AIMP2: variants seen among roughly 807,000 people sequenced by gnomAD.
The protein encoded by AIMP2 is aminoacyl tRNA synthase complex-interacting multifunctional protein 2.
In AIMP2, 20 loss-of-function variants were observed where a neutral mutation model predicts 23.4. The observed-to-expected ratio is 0.85, with a 90% CI of 0.60 to 1.24. AIMP2 has a LOEUF of 1.24. Ranked by LOEUF, AIMP2 falls within the 50% of genes most tolerant of loss-of-function variation. The probability of loss-of-function intolerance (pLI) is 0.00; values close to 1 mark genes in which losing one functional copy is unlikely to be tolerated. For missense variants in AIMP2, 515 were observed against 414.5 expected (o/e 1.24, Z -2.10); for synonymous variants, 210 against 170.4 (o/e 1.23, Z -1.81).
At chr7:6,018,124 A>G (rs902665044) in intron 3 of AIMP2, 79 bp downstream of exon 3, 12 of 1,099,174 alleles carry the variant, frequency 1.1e-5, no homozygotes, top group Non-Finnish European at 1.5e-5. Flanking sequence ...GAGTCCATTT[A>G]CATGTGGATT....
chr7:6,009,358 T>C lies in AIMP2; in HGVS notation c.-6T>C. ...ACGCGCTACCCCCTTTTGCTTTGGT[T>C]CTGCCATGCCGATGTACCAGGTAAA... On this transcript the variant is annotated 5_prime_UTR_variant, in exon 1 of 4. Coordinates refer to ENST00000223029, the MANE Select transcript of AIMP2 (RefSeq NM_006303.4). 6.2e-7 allele frequency: 1 copy of C among 1,611,840 alleles called. No homozygotes were observed. Among genetic ancestry groups the C allele is most frequent in the Non-Finnish European group, 8.5e-7 (1 of 1,180,004 alleles).
intron 1 of AIMP2, among the ~76,000 whole-genome samples, chr7:6,010,273 A>C (rs1161828882): frequency 1.3e-5 from 2 of 151,924 alleles, no homozygotes; most frequent in Non-Finnish European, 2.9e-5. Context: ...TTACAAAGCG[A>C]ACCCCAGGGT....
intron 1 of AIMP2, chr7:6,013,119 G>C (rs1208457579): frequency 5.7e-6 from 2 of 347,990 alleles, no homozygotes; most frequent in African/African-American, 4.5e-5. Context: ...TAGAGCACAG[G>C]CAAAGGACGA....
At chr7:6,009,989 A>ATATATG (rs1259647902) in intron 1 of AIMP2, among the ~76,000 whole-genome samples, 4 of 108,408 alleles carry the variant, frequency 3.7e-5, no homozygotes, top group Admixed American at 2.0e-4. Context: ...ATATATATAT[A>ATATATG]TATGTATGTA....
At chr7:6,018,338 C>T (rs1366631320) in intron 3 of AIMP2, among the ~76,000 whole-genome samples, 3 of 149,966 alleles carry the variant, frequency 2.0e-5, no homozygotes, top group Admixed American at 6.6e-5. Flanking sequence ...TTAGTAGAGA[C>T]GGGGTTTCAC....
chr7:6,023,042 T>TCG, intron 3 of AIMP2: 10 of 403,448 alleles, frequency 2.5e-5, no homozygotes, highest in South Asian at 1.3e-4. Flanking sequence ...GCAGGTGGTC[T>TCG]GAGGTCCCTT....
At chr7:6,014,525 G>A (rs948016601) in intron 1 of AIMP2, among the ~76,000 whole-genome samples, 2 of 151,622 alleles carry the variant, frequency 1.3e-5, no homozygotes, top group Admixed American at 6.6e-5. Flanking sequence ...CTCCCAAAGT[G>A]CTGGGATTAC....
chr7:6,020,591 T>A (rs1407695226), intron 3 of AIMP2, among the ~76,000 whole-genome samples: 1 of 152,180 alleles, frequency 6.6e-6, no homozygotes, highest in African/African-American at 2.4e-5. Context: ...CAAATGATGG[T>A]TTGATAATTT....
intron 1 of AIMP2, chr7:6,013,009 A>T: frequency 2.8e-6 from 1 of 360,250 alleles, no homozygotes; most frequent in East Asian, 2.8e-4. Flanking sequence ...TAAGCAAACA[A>T]GAGAAGAAGG....
chr7:6,023,252 T>G, intron 3 of AIMP2, 51 bp from the exon 4 acceptor site: 1 of 1,526,412 alleles, frequency 6.6e-7, no homozygotes, highest in Non-Finnish European at 8.7e-7. Flanking sequence ...GTGCGAGTAC[T>G]TCCCTCAGGG....
At chr7:6,015,731 A>C (rs1786991170) in intron 2 of AIMP2, among the ~76,000 whole-genome samples, 1 of 152,202 alleles carries the variant, frequency 6.6e-6, no homozygotes, top group African/African-American at 2.4e-5. Context: ...CTCAAAACAA[A>C]AACAAAACTA....
In AIMP2 at chr7:6,009,433, A is replaced by G. The variant is rs1178019019; in HGVS notation, c.70A>G (p.Met24Val). 5 of 1,611,124 alleles carry G rather than the reference A, an allele frequency of 3.1e-6. No homozygotes were observed. The highest frequency in any genetic ancestry group is 1.1e-5 in the South Asian group (1 of 90,984). ...TCTCCGTGTGGAGCTTCCCACCTGCATGTACCGGCTCCCCAACGTGCACGG... is the reference window on the plus strand; with the variant it reads ...TCTCCGTGTGGAGCTTCCCACCTGCGTGTACCGGCTCCCCAACGTGCACGG... ...APLRVELPTC[M>V]YRLPNVHGRS... Residue 24 changes from methionine (M) to valine (V), a missense_variant, in exon 1 of 4, where the codon ATG (methionine) becomes GTG (valine). Transcript: ENST00000223029.
chr7:6,019,502 A>G (rs1334883893), intron 3 of AIMP2, among the ~76,000 whole-genome samples: 8 of 145,324 alleles, frequency 5.5e-5, no homozygotes, highest in Non-Finnish European at 1.2e-4. Context: ...AAAAAAAAAA[A>G]AGAGATCTCT....
intron 1 of AIMP2, 61 bp from the exon 2 acceptor site, chr7:6,015,085 A>G (rs375652114): frequency 1.9e-5 from 31 of 1,609,884 alleles, no homozygotes; most frequent in Non-Finnish European, 2.4e-5. Context: ...CAAGTGATCA[A>G]ATTTAAACAA....
chr7:6,014,116 CTTAG>C, intron 1 of AIMP2, among the ~76,000 whole-genome samples: 1 of 152,144 alleles, frequency 6.6e-6, no homozygotes, highest in East Asian at 1.9e-4. Context: ...GCAAAGTATT[CTTAG>C]TTTGTTAAGA....
chr7:6,016,527 G>A (rs960518463), intron 2 of AIMP2, among the ~76,000 whole-genome samples: 1 of 152,154 alleles, frequency 6.6e-6, no homozygotes, highest in Non-Finnish European at 1.5e-5. Context: ...CAGATGAGGT[G>A]CAACCAGGCC....
At position 6,009,436 on chromosome 7, in the gene AIMP2, T is replaced by C. The variant is rs1163035440; in HGVS notation, c.73T>C (p.Tyr25His). 6.2e-7 allele frequency: 1 copy of C among 1,611,162 alleles called. No homozygotes were observed. Among genetic ancestry groups the C allele is most frequent in the African/African-American group, 1.3e-5 (1 of 74,992 alleles). The change falls in exon 1 of 4, where the codon TAC becomes CAC. Residue 25 changes from tyrosine (Y) to histidine (H), a missense_variant. Tyr to His is a moderately conservative substitution (Grantham distance 83). Coordinates refer to ENST00000223029, the MANE Select transcript of AIMP2 (RefSeq NM_006303.4). Reference protein sequence around the residue: ...PLRVELPTCMYRLPNVHGRSY... With the variant: ...PLRVELPTCMHRLPNVHGRSY... ...CCGTGTGGAGCTTCCCACCTGCATGTACCGGCTCCCCAACGTGCACGGCAG... is the reference window on the plus strand; with the variant it reads ...CCGTGTGGAGCTTCCCACCTGCATGCACCGGCTCCCCAACGTGCACGGCAG...
chr7:6,019,741 T>G (rs558627664), intron 3 of AIMP2, among the ~76,000 whole-genome samples: 75 of 152,172 alleles, frequency 4.9e-4, no homozygotes, highest in African/African-American at 1.6e-3. Flanking sequence ...AAGGGAAATT[T>G]GGTCGGGCAC....
intron 3 of AIMP2, among the ~76,000 whole-genome samples, chr7:6,021,019 T>C (rs1053306821): frequency 1.3e-5 from 2 of 152,216 alleles, no homozygotes; most frequent in African/African-American, 4.8e-5. Flanking sequence ...CATTGATGCC[T>C]TGTCCTTGAA....
Sources: gnomAD v4.1 joint callset for allele counts (sites outside exome capture counted in the v4.1 genomes callset) on GRCh38, gnomAD v4.1.1 for gene constraint, MANE v1.5 for transcripts, NCBI Gene and HGNC (gene_info 2026-07-23, HGNC 2026-07-21) for gene names.